ANO3: variants seen among roughly 807,000 people sequenced by gnomAD.
The protein encoded by ANO3 is anoctamin 3.
ANO3 carries 99 observed loss-of-function variants against 144.8 expected under a neutral mutation model. The ratio of observed to expected loss-of-function variants is 0.68; its 90% CI spans 0.58 to 0.81. ANO3 has a LOEUF of 0.81. ANO3 is among the 30% of genes least tolerant of loss of function. The pLI is 0.00. For synonymous variants in ANO3, 414 were observed against 392.6 expected (o/e 1.05, Z -0.64); for missense variants, 905 against 1,202.2 (o/e 0.75, Z 3.66).
At position 26,662,703 on chromosome 11, in the gene ANO3, T is replaced by C. The variant is rs1457880728; in HGVS notation, c.*2259T>C. 3 of 151,876 alleles carry C rather than the reference T, an allele frequency of 2.0e-5. No homozygotes were observed. Among genetic ancestry groups the C allele is most frequent in the Non-Finnish European group, 4.4e-5 (3 of 67,982 alleles). The allele number at this position is 151,876 out of a possible 1,614,324, so 9.4% of individuals were successfully genotyped here. A position where few individuals can be genotyped will look rare whatever the true frequency, so the allele number is the denominator to read the frequency against. ...TTGATTTATAAAATGCCTTCTCTGATACTTTTGAAACAGATGTGAAAAACA... is the reference window on the plus strand; with the variant it reads ...TTGATTTATAAAATGCCTTCTCTGACACTTTTGAAACAGATGTGAAAAACA... On this transcript the variant is annotated 3_prime_UTR_variant, in exon 27 of 27. Transcript: ENST00000256737.
chr11:26,527,591 T>G (rs1849196386), intron 7 of ANO3, among the ~76,000 whole-genome samples: 1 of 152,090 alleles, frequency 6.6e-6, no homozygotes, highest in African/African-American at 2.4e-5. Context: ...GCCATTTAGT[T>G]TCACTTGTGC....
intron 1 of ANO3, among the ~76,000 whole-genome samples, chr11:26,267,796 T>C (rs1853347623): frequency 6.6e-6 from 1 of 152,136 alleles, no homozygotes; most frequent in African/African-American, 2.4e-5. Context: ...CTTTGCTGTG[T>C]CCACTGGAGA....
intron 4 of ANO3, among the ~76,000 whole-genome samples, chr11:26,471,817 A>G (rs1423832720): frequency 1.3e-5 from 2 of 152,002 alleles, no homozygotes; most frequent in Non-Finnish European, 2.9e-5. Context: ...TATGATACAA[A>G]GAAACAAAAA....
chr11:26,537,553 C>T, intron 10 of ANO3, 92 bp downstream of exon 10: 1 of 1,098,608 alleles, frequency 9.1e-7, no homozygotes, highest in South Asian at 1.3e-5. Context: ...GCTGTCCACT[C>T]CCAGGAGGAT....
chr11:26,291,548 G>T lies in ANO3; in HGVS notation c.155-18097G>T, dbSNP rs572152265. Among the ~76,000 whole-genome samples the T allele has an allele frequency of 3.9e-3, 591 of 152,182 alleles. 2 individuals carry two copies. The highest frequency in any genetic ancestry group is 0.013 in the African/African-American group (560 of 41,522). On this transcript the variant is annotated intron_variant, in intron 1 of 27. Coordinates refer to the ANO3 transcript ENST00000672621. ...GCATGTTTTTGCAGTGGCTGGTACCGGTTGTTCCTTTCCATGTTTAGTGCT... is the reference window on the plus strand; with the variant it reads ...GCATGTTTTTGCAGTGGCTGGTACCTGTTGTTCCTTTCCATGTTTAGTGCT...
At chr11:26,254,588 T>C (rs192456130) in intron 1 of ANO3, among the ~76,000 whole-genome samples, 1 of 152,288 alleles carries the variant, frequency 6.6e-6, no homozygotes, top group East Asian at 1.9e-4. Context: ...TACTCAGAAT[T>C]CCACTACGCT....
rs191582204 is a variant in ANO3, at chr11:26,545,112, T to A, written c.1155-2304T>A. Reference sequence around the variant, plus strand: ...TTCTACAACCAGAAGAAAGATTGTCTTAAAATTTGTAACTACTTATTTTGA... The same window carrying A: ...TTCTACAACCAGAAGAAAGATTGTCATAAAATTTGTAACTACTTATTTTGA... On this transcript the variant is annotated intron_variant, in intron 11 of 26. Coordinates refer to ENST00000256737, the MANE Select transcript of ANO3 (RefSeq NM_031418.4). 2.7e-3 allele frequency among the ~76,000 whole-genome samples: 412 copies of A among 152,172 alleles called. 3 individuals are homozygous for A. Among genetic ancestry groups the A allele is most frequent in the African/African-American group, 9.4e-3 (391 of 41,558 alleles).
intron 1 of ANO3, among the ~76,000 whole-genome samples, chr11:26,379,119 A>G (rs1368520793): frequency 6.6e-6 from 1 of 152,100 alleles, no homozygotes; most frequent in Non-Finnish European, 1.5e-5. Flanking sequence ...ATCAATTAGG[A>G]GCCACCCTGG....
chr11:26,614,130 T>G (rs1323244035), intron 17 of ANO3, among the ~76,000 whole-genome samples: 5 of 152,134 alleles, frequency 3.3e-5, no homozygotes, highest in Admixed American at 6.5e-5. Context: ...CATGAACATA[T>G]GCAGGTGTTG....
At chr11:26,248,973 G>T (rs1852862617) in intron 1 of ANO3, among the ~76,000 whole-genome samples, 1 of 152,170 alleles carries the variant, frequency 6.6e-6, no homozygotes, top group African/African-American at 2.4e-5. Context: ...TAGTGCCTCT[G>T]AAACCATCCC....
At chr11:26,376,962 G>A (rs1442311779) in intron 1 of ANO3, among the ~76,000 whole-genome samples, 2 of 152,112 alleles carry the variant, frequency 1.3e-5, no homozygotes, top group African/African-American at 4.8e-5. Flanking sequence ...GTGAAGGCAA[G>A]AGAATTTGTT....
rs1857247717 is a variant in ANO3, at chr11:26,405,129, T to C, written c.47-36789T>C. On this transcript the variant is annotated intron_variant, in intron 1 of 26. Coordinates refer to ENST00000256737, the MANE Select transcript of ANO3 (RefSeq NM_031418.4). Reference sequence around the variant, plus strand: ...ACTTTTTTCTCCTCTTCACACTCTATGGGATTTTTATTCCTTTCATGGGAA... The same window carrying C: ...ACTTTTTTCTCCTCTTCACACTCTACGGGATTTTTATTCCTTTCATGGGAA... 3.3e-5 allele frequency among the ~76,000 whole-genome samples: 5 copies of C among 151,768 alleles called. No individual in the cohort carries two copies. The South Asian group carries it at 1.0e-3, about 31-fold the overall frequency.
chr11:26,239,663 GTCCTC>G (rs1852616312), intron 1 of ANO3, among the ~76,000 whole-genome samples: 1 of 152,072 alleles, frequency 6.6e-6, no homozygotes, highest in East Asian at 1.9e-4. Flanking sequence ...TTAACACCTT[GTCCTC>G]CTACCTTAGC....
chr11:26,266,614 T>C (rs974400536), intron 1 of ANO3, among the ~76,000 whole-genome samples: 2 of 151,712 alleles, frequency 1.3e-5, no homozygotes, highest in African/African-American at 2.4e-5. Flanking sequence ...TTTGTATTTT[T>C]AGTAGAGACA....
At chr11:26,572,393 AT>A (rs909054293) in intron 14 of ANO3, 210 of 280,416 alleles carry the variant, frequency 7.5e-4, no homozygotes, top group Non-Finnish European at 1.0e-3. Flanking sequence ...CGGGTCATCA[AT>A]TTTTTTTTTC....
At chr11:26,271,763 G>A (rs1161050609) in intron 1 of ANO3, among the ~76,000 whole-genome samples, 1 of 151,712 alleles carries the variant, frequency 6.6e-6, no homozygotes, top group Non-Finnish European at 1.5e-5. Flanking sequence ...ATTATTTAAG[G>A]GTAAATATTC....
chr11:26,363,297 G>C (rs891273797), intron 1 of ANO3, among the ~76,000 whole-genome samples: 7 of 152,114 alleles, frequency 4.6e-5, no homozygotes, highest in Non-Finnish European at 8.8e-5. Flanking sequence ...GCATTAGTCA[G>C]GGTTCTGGTT....
chr11:26,626,420 C>A (rs1429016602), intron 18 of ANO3, among the ~76,000 whole-genome samples: 1 of 152,160 alleles, frequency 6.6e-6, no homozygotes, highest in Non-Finnish European at 1.5e-5. Flanking sequence ...ACAAATATTT[C>A]AAGTAAAGAT....
At chr11:26,576,156 C>T (rs939324335) in intron 14 of ANO3, among the ~76,000 whole-genome samples, 5 of 152,144 alleles carry the variant, frequency 3.3e-5, no homozygotes, top group Admixed American at 6.6e-5. Context: ...CAGGCTACCA[C>T]GTCACAGTTT....
Sources: allele counts gnomAD v4.1 joint callset (sites outside exome capture counted in the v4.1 genomes callset), GRCh38; gene constraint gnomAD v4.1.1; transcripts MANE v1.5; gene names NCBI Gene and HGNC (gene_info 2026-07-23, HGNC 2026-07-21).